MTMR4: variants seen among roughly 807,000 people sequenced by gnomAD.
MTMR4 encodes the protein myotubularin related protein 4.
In MTMR4, 30 loss-of-function variants were observed where a neutral mutation model predicts 125.5. The ratio of observed to expected loss-of-function variants is 0.24; its 90% CI spans 0.18 to 0.32. The LOEUF is 0.32. MTMR4 is among the 10% of genes least tolerant of loss of function. MTMR4 has a pLI of 1.00. For missense variants in MTMR4, 1,039 were observed against 1,511.5 expected (o/e 0.69, Z 5.18); for synonymous variants, 498 against 564.5 (o/e 0.88, Z 1.67).
At chr17:58,492,731 G>A in intron 16 of MTMR4, 111 bp downstream of exon 16, 2 of 1,340,434 alleles carry the variant, frequency 1.5e-6, no homozygotes, top group Non-Finnish European at 2.1e-6. Context: ...TGCCTACCAG[G>A]CTGACACTCC....
chr17:58,490,913 CT>C lies in MTMR4; in HGVS notation c.*749del, dbSNP rs1360088553. The C allele has an allele frequency of 6.6e-6, 1 of 152,648 alleles. No individual in the cohort carries two copies. The highest frequency in any genetic ancestry group is 1.5e-5 in the Non-Finnish European group (1 of 68,050). The allele number at this position is 152,648 out of a possible 1,614,324, so 9.5% of individuals were successfully genotyped here. A position where few individuals can be genotyped will look rare whatever the true frequency, so the allele number is the denominator to read the frequency against. On this transcript the variant is annotated 3_prime_UTR_variant, in exon 18 of 18. Coordinates refer to ENST00000682306, the MANE Select transcript of MTMR4 (RefSeq NM_001378067.1). ...ACAGTGCATAACTCAAGAGCTGCCACTGTGTAACAGAGACGACTGCCTTCAC... is the reference window on the plus strand; with the variant it reads ...ACAGTGCATAACTCAAGAGCTGCCACGTGTAACAGAGACGACTGCCTTCAC...
At chr17:58,505,058 A>G in intron 10 of MTMR4, 84 bp from the exon 11 acceptor site, 1 of 1,342,734 alleles carries the variant, frequency 7.4e-7, no homozygotes. Context: ...AGCCCCACCC[A>G]ACAAAGTCCC....
rs926033207 is a variant in MTMR4, at chr17:58,508,607, A to T, written c.497-43T>A. The T allele has an allele frequency of 8.1e-6, 13 of 1,613,992 alleles. No homozygotes were observed. The highest frequency in any genetic ancestry group is 1.1e-5 in the Non-Finnish European group (13 of 1,179,962). On this transcript the variant is annotated intron_variant, in intron 5 of 17. Transcript: ENST00000682306. This position sits in a 1 kb window ranked among gnomAD's most constrained non-coding sequence, Gnocchi z 4.8. Reference sequence around the variant, plus strand: ...CGATGGTTAGCTTCCCAGAGCACCAATGTGCAGGAGTGGAGGAGGGATGAG... The same window carrying T: ...CGATGGTTAGCTTCCCAGAGCACCATTGTGCAGGAGTGGAGGAGGGATGAG...
At chr17:58,500,408 T>C (rs906429123) in intron 14 of MTMR4, among the ~76,000 whole-genome samples, 5 of 151,914 alleles carry the variant, frequency 3.3e-5, no homozygotes, top group Non-Finnish European at 7.4e-5. Flanking sequence ...ATTACAGGCA[T>C]GAGCCACTGC....
Position 58,508,380 on chromosome 17 carries a change from C to T in MTMR4, c.593+88G>A. The T allele has an allele frequency of 1.3e-6, 2 of 1,550,768 alleles. No homozygotes were observed. The highest frequency in any genetic ancestry group is 1.8e-6 in the Non-Finnish European group (2 of 1,122,724). ...AGAGAAACCATGAGCCTTCCTCCCTCTCAGACTCAGAAGCTGTGCCCACCA... is the reference window on the plus strand; with the variant it reads ...AGAGAAACCATGAGCCTTCCTCCCTTTCAGACTCAGAAGCTGTGCCCACCA... On this transcript the variant is annotated intron_variant, in intron 6 of 17. Coordinates refer to ENST00000682306, the MANE Select transcript of MTMR4 (RefSeq NM_001378067.1). The surrounding 1 kb of genome is among the most constrained non-coding windows in gnomAD (Gnocchi z 4.8).
At position 58,492,838 on chromosome 17, in the gene MTMR4, A is replaced by T; in HGVS notation, c.3363+4T>A. On this transcript the variant is annotated splice_donor_region_variant and intron_variant, in intron 16 of 17. Transcript: ENST00000682306. ...GTACCCACCACATATGTGCCTAAAC[A>T]TACCTCAGTCTCTTTCTTATCAACA... is the stretch of plus-strand genomic sequence containing the variant. 1 of 1,613,320 alleles carries T rather than the reference A, an allele frequency of 6.2e-7. No homozygotes were observed. Among genetic ancestry groups the T allele is most frequent in the Non-Finnish European group, 8.5e-7 (1 of 1,179,242 alleles).
Position 58,512,318 on chromosome 17 carries a change from C to G in MTMR4, c.252+72G>C. ...TTTTTAATGACATGATCAAGGACAG[C>G]CTTGGAACAATCCCACCTTGAACTT... On this transcript the variant is annotated intron_variant, in intron 3 of 17. Coordinates refer to ENST00000682306, the MANE Select transcript of MTMR4 (RefSeq NM_001378067.1). This position sits in a 1 kb window ranked among gnomAD's most constrained non-coding sequence, Gnocchi z 4.1. The G allele has an allele frequency of 7.6e-7, 1 of 1,320,252 alleles. No homozygotes were observed. Among genetic ancestry groups the G allele is most frequent in the Non-Finnish European group, 1.1e-6 (1 of 915,198 alleles). 81.8% of individuals were successfully genotyped at this position (1,320,252 alleles called of 1,614,324 possible).
upstream of MTMR4, among the ~76,000 whole-genome samples, chr17:58,517,100 G>A (rs553280920): frequency 6.6e-6 from 1 of 152,342 alleles, no homozygotes; most frequent in Non-Finnish European, 1.5e-5. Context: ...TTTACTGGGG[G>A]CAGAGTCCAG....
rs1385741198 is a variant in MTMR4 at position 58,512,013 on chromosome 17, G to A, written c.252+377C>T. Among the ~76,000 whole-genome samples, 1 of 151,308 alleles carries A rather than the reference G, an allele frequency of 6.6e-6. No homozygotes were observed. The highest frequency in any genetic ancestry group is 2.4e-5 in the African/African-American group (1 of 41,066). On this transcript the variant is annotated intron_variant, in intron 3 of 17. Coordinates refer to ENST00000682306, the MANE Select transcript of MTMR4 (RefSeq NM_001378067.1). This position sits in a 1 kb window ranked among gnomAD's most constrained non-coding sequence, Gnocchi z 4.1. ...TTTTTTTTTATTTTTTTGAGAGGTA[G>A]TCTCACCCTGTCACCCAAGCTGGAC...
chr17:58,492,778 C>G, intron 16 of MTMR4, 64 bp downstream of exon 16: 2 of 1,476,764 alleles, frequency 1.4e-6, no homozygotes, highest in Non-Finnish European at 1.9e-6. Context: ...TGTCATTCAT[C>G]TCTGGAAAAT....
chr17:58,514,702 G>A (rs1976038261), upstream of MTMR4: 3 of 977,772 alleles, frequency 3.1e-6, no homozygotes, highest in Non-Finnish European at 3.6e-6. Context: ...GGGCGGCTCC[G>A]CGGGCCCCGC....
At position 58,508,897 on chromosome 17, in the gene MTMR4, G is replaced by C; in HGVS notation, c.336-56C>G. 1 of 1,572,810 alleles carries C rather than the reference G, an allele frequency of 6.4e-7. No homozygotes were observed. Among genetic ancestry groups the C allele is most frequent in the Non-Finnish European group, 8.7e-7 (1 of 1,151,316 alleles). ...AGGCAAAGTGCAGTTGTGCCATGGG[G>C]CTATCAGGGCCAAAAACACAGCCAC... On this transcript the variant is annotated intron_variant, in intron 4 of 17. Coordinates refer to ENST00000682306, the MANE Select transcript of MTMR4 (RefSeq NM_001378067.1). This position sits in a 1 kb window ranked among gnomAD's most constrained non-coding sequence, Gnocchi z 4.8.
At chr17:58,492,294 C>T (rs1975334070) in intron 17 of MTMR4, among the ~76,000 whole-genome samples, 1 of 152,188 alleles carries the variant, frequency 6.6e-6, no homozygotes, top group Non-Finnish European at 1.5e-5. Flanking sequence ...GCCTCAGCCT[C>T]CAGAGTAGCT....
At chr17:58,518,088 A>C (rs917823798), upstream of MTMR4, among the ~76,000 whole-genome samples, 1 of 152,212 alleles carries the variant, frequency 6.6e-6, no homozygotes, top group African/African-American at 2.4e-5. Context: ...AGACGAGACT[A>C]TACCTGGAGG....
In MTMR4 at chr17:58,495,437, A is replaced by G; in HGVS notation, c.2747T>C (p.Phe916Ser). The change falls in exon 15 of 18, where the codon TTT becomes TCT. Residue 916 changes from phenylalanine (F) to serine (S), a missense_variant. This residue lies in a region of MTMR4 where 619 missense variants were observed against 714.5 expected (regional missense o/e 0.87). Transcript: ENST00000682306. ...ISQSQISEFSFLGSNWDSFQG... is the reference protein window; with the variant it reads ...ISQSQISEFSSLGSNWDSFQG... ...GAAGCTGTCCCAGTTGGACCCTAGA[A>G]AAGAGAACTCACTGATCTGGCTCTG... 1.2e-6 allele frequency: 2 copies of G among 1,614,254 alleles called. No homozygotes were observed. Among genetic ancestry groups the G allele is most frequent in the Non-Finnish European group, 1.7e-6 (2 of 1,180,050 alleles).
chr17:58,508,856 G>A lies in MTMR4; in HGVS notation c.336-15C>T. The A allele has an allele frequency of 6.2e-7, 1 of 1,610,414 alleles. No individual in the cohort carries two copies. Among genetic ancestry groups the A allele is most frequent in the Non-Finnish European group, 8.5e-7 (1 of 1,177,068 alleles). On this transcript the variant is annotated splice_polypyrimidine_tract_variant and intron_variant, in intron 4 of 17. Coordinates refer to ENST00000682306, the MANE Select transcript of MTMR4 (RefSeq NM_001378067.1). The surrounding 1 kb of genome is among the most constrained non-coding windows in gnomAD (Gnocchi z 4.8). ...AGAAGTGGCACCTGCCAGGCAAGAA[G>A]CCACAGGCCTAGGTGAGGCAAAGTG...
Position 58,503,799 on chromosome 17 carries a change from G to A in MTMR4, c.1798C>T (p.Leu600Phe), listed in dbSNP as rs1281526727. The A allele has an allele frequency of 3.1e-6, 5 of 1,614,074 alleles. No homozygotes were observed. Among genetic ancestry groups the A allele is most frequent in the Non-Finnish European group, 4.2e-6 (5 of 1,180,028 alleles). ...CTCTGGGCCACTGGGGAAAGGTAAA[G>A]ATCCATGTTTTCTTCCCCAAGTGTG... is the stretch of plus-strand genomic sequence containing the variant. ...PCTLGEENMDLYLSPVAQSQE... is the reference protein window; with the variant it reads ...PCTLGEENMDFYLSPVAQSQE... Residue 600 changes from leucine (L) to phenylalanine (F), a missense_variant, in exon 14 of 18, where the codon CTT becomes TTT. By Grantham distance (22) the Leu-to-Phe change is conservative. Around this residue, in one of 6 missense-constraint regions of MTMR4, gnomAD observed 619 missense variants for 714.5 expected, o/e 0.87. Coordinates refer to ENST00000682306, the MANE Select transcript of MTMR4 (RefSeq NM_001378067.1).
chr17:58,514,217 AAAAGGGTT>A (rs1304853785), intron 1 of MTMR4, 138 bp downstream of exon 1: 2 of 712,754 alleles, frequency 2.8e-6, no homozygotes, highest in Non-Finnish European at 3.4e-6. Flanking sequence ...TCCAAGAAAT[AAAAGGGTT>A]AACCCACCTT....
chr17:58,496,089 C>G lies in MTMR4; in HGVS notation c.2095G>C (p.Asp699His). The G allele has an allele frequency of 6.2e-7, 1 of 1,614,202 alleles. No individual in the cohort carries two copies. Among genetic ancestry groups the G allele is most frequent in the Non-Finnish European group, 8.5e-7 (1 of 1,180,038 alleles). The change falls in exon 15 of 18, where the codon GAC becomes CAC. Residue 699 changes from aspartate to histidine, a missense_variant. Physicochemically the swap from Asp to His is moderately conservative, Grantham distance 81. This residue lies in a region of MTMR4 where 619 missense variants were observed against 714.5 expected (regional missense o/e 0.87). Coordinates refer to ENST00000682306, the MANE Select transcript of MTMR4 (RefSeq NM_001378067.1). ...TTGAAAGGTTTATTGCTCAAGTAGT[C>G]TTTCTGGCTGCTGGGCAGAGGAGGA... ...LPPPLPSSQKDYLSNKPFKSH... is the reference protein window; with the variant it reads ...LPPPLPSSQKHYLSNKPFKSH...
Sources: allele counts gnomAD v4.1 joint callset (sites outside exome capture counted in the v4.1 genomes callset), GRCh38; gene constraint gnomAD v4.1.1; regional missense constraint gnomAD v4.1.1; non-coding constraint Gnocchi (gnomAD v3.1); transcripts MANE v1.5; gene names NCBI Gene and HGNC (gene_info 2026-07-23, HGNC 2026-07-21).